LHFPL3: variants seen among roughly 807,000 people sequenced by gnomAD.
LHFPL3 encodes LHFPL tetraspan subfamily member 3 protein.
Under a neutral mutation model 19.3 loss-of-function variants are expected in LHFPL3, and 5 were observed. The observed-to-expected ratio is 0.26, with a 90% CI of 0.14 to 0.54. LHFPL3 has a LOEUF of 0.54. Ranked by LOEUF, LHFPL3 falls within the 20% of genes least tolerant of loss-of-function variation. LHFPL3 has a pLI of 0.94. For missense variants in LHFPL3, 249 were observed against 307.4 expected (o/e 0.81, Z 1.42); for synonymous variants, 133 against 126.2 (o/e 1.05, Z -0.36).
intron 1 of LHFPL3, among the ~76,000 whole-genome samples, chr7:104,562,312 A>G (rs1790022255): frequency 6.6e-6 from 1 of 152,076 alleles, no homozygotes; most frequent in Non-Finnish European, 1.5e-5. Flanking sequence ...CATCACTTTC[A>G]GGTACACCAA....
chr7:104,619,821 GA>G (rs993298596), intron 1 of LHFPL3, among the ~76,000 whole-genome samples: 1 of 152,078 alleles, frequency 6.6e-6, no homozygotes, highest in African/African-American at 2.4e-5. Flanking sequence ...TGGTTTCGTG[GA>G]AGACAATTTA....
intron 1 of LHFPL3, among the ~76,000 whole-genome samples, chr7:104,479,240 A>G (rs1400594667): frequency 1.3e-5 from 2 of 152,186 alleles, no homozygotes; most frequent in Non-Finnish European, 2.9e-5. Context: ...TACAAACACT[A>G]ACAACTTTCA....
intron 2 of LHFPL3, among the ~76,000 whole-genome samples, chr7:104,760,987 G>GGACA (rs983987665): frequency 6.7e-6 from 1 of 149,130 alleles, no homozygotes; most frequent in Admixed American, 6.7e-5. Context: ...ATTCACAAAA[G>GGACA]GACAGCAGAC....
At chr7:104,496,940 T>G (rs1249710212) in intron 1 of LHFPL3, among the ~76,000 whole-genome samples, 2 of 152,170 alleles carry the variant, frequency 1.3e-5, no homozygotes, top group Non-Finnish European at 2.9e-5. Context: ...TATTTTTAGA[T>G]GTCATTTCTG....
At chr7:104,813,790 G>A (rs1021503470) in intron 2 of LHFPL3, among the ~76,000 whole-genome samples, 4 of 152,234 alleles carry the variant, frequency 2.6e-5, no homozygotes, top group South Asian at 2.1e-4. Flanking sequence ...CAGAGAACAC[G>A]GTGGTGCCTG....
At chr7:104,744,137 C>A (rs955996795) in intron 2 of LHFPL3, 5 of 151,216 alleles carry the variant, frequency 3.3e-5, no homozygotes, top group Non-Finnish European at 5.9e-5. Context: ...ATAATCAATT[C>A]TTATAGATGC....
chr7:104,329,230 T>G lies in LHFPL3; in HGVS notation c.445+6T>G. ...CTGGATGCAGCTCACCTCCGGTGAG[T>G]GCGCGCTCACCTCCGCGGAGGCGGA... On this transcript the variant is annotated splice_donor_region_variant and intron_variant, in intron 1 of 2. Coordinates refer to ENST00000424859, the MANE Select transcript of LHFPL3 (RefSeq NM_199000.3). 2 of 1,590,098 alleles carry G rather than the reference T, an allele frequency of 1.3e-6. No homozygotes were observed. The highest frequency in any genetic ancestry group is 2.3e-5 in the East Asian group (1 of 44,330).
chr7:104,528,239 A>T (rs1402831695), intron 1 of LHFPL3, among the ~76,000 whole-genome samples: 2 of 152,224 alleles, frequency 1.3e-5, no homozygotes, highest in Non-Finnish European at 2.9e-5. Flanking sequence ...CTTTGTCAAC[A>T]TATTTCAAAG....
intron 1 of LHFPL3, among the ~76,000 whole-genome samples, chr7:104,383,567 G>A (rs534756741): frequency 1.8e-4 from 27 of 152,272 alleles, no homozygotes; most frequent in African/African-American, 6.5e-4. Flanking sequence ...CTTTCAAGGT[G>A]ATCCTATAAA....
chr7:104,811,719 G>A (rs1790474544), intron 2 of LHFPL3, among the ~76,000 whole-genome samples: 2 of 152,190 alleles, frequency 1.3e-5, no homozygotes, highest in Non-Finnish European at 2.9e-5. Context: ...CTGATGCTAA[G>A]CATCAGTCTT....
At chr7:104,797,353 G>A (rs1326714378) in intron 2 of LHFPL3, among the ~76,000 whole-genome samples, 2 of 152,170 alleles carry the variant, frequency 1.3e-5, no homozygotes, top group Non-Finnish European at 2.9e-5. Flanking sequence ...AATGAGTAGT[G>A]AGCAGAAGTG....
intron 1 of LHFPL3, among the ~76,000 whole-genome samples, chr7:104,558,690 C>T (rs1789917296): frequency 6.6e-6 from 1 of 150,866 alleles, no homozygotes; most frequent in African/African-American, 2.5e-5. Flanking sequence ...TTAATTAGAT[C>T]CCATTTGTTA....
At chr7:104,673,382 T>TATGATCG (rs1792524732) in intron 1 of LHFPL3, among the ~76,000 whole-genome samples, 2 of 152,192 alleles carry the variant, frequency 1.3e-5, no homozygotes, top group Admixed American at 1.3e-4. Flanking sequence ...GTCTAACACT[T>TATGATCG]TTTGGAAGAT....
chr7:104,335,771 C>T (rs1378228230), intron 1 of LHFPL3, among the ~76,000 whole-genome samples: 1 of 151,214 alleles, frequency 6.6e-6, no homozygotes, highest in African/African-American at 2.4e-5. Context: ...ATGTTGCTAC[C>T]ACTCAGGAAA....
chr7:104,490,878 C>T (rs754516791), intron 1 of LHFPL3, among the ~76,000 whole-genome samples: 29 of 151,974 alleles, frequency 1.9e-4, no homozygotes, highest in Non-Finnish European at 4.1e-4. Flanking sequence ...CTCTTTTTTT[C>T]GTAAAGCCTT....
At chr7:104,671,695 A>G (rs1246407137) in intron 1 of LHFPL3, among the ~76,000 whole-genome samples, 1 of 152,168 alleles carries the variant, frequency 6.6e-6, no homozygotes, top group Admixed American at 6.5e-5. Flanking sequence ...CAAATTATTT[A>G]ACCCCTTTCA....
At chr7:104,670,657 C>G (rs1301685956) in intron 1 of LHFPL3, among the ~76,000 whole-genome samples, 3 of 152,170 alleles carry the variant, frequency 2.0e-5, no homozygotes, top group Middle Eastern at 3.2e-3. Flanking sequence ...CTTGCCTGCT[C>G]CTGATGCTTT....
At chr7:104,888,000 A>G (rs1792179333) in intron 2 of LHFPL3, among the ~76,000 whole-genome samples, 2 of 152,198 alleles carry the variant, frequency 1.3e-5, no homozygotes, top group Admixed American at 1.3e-4. Flanking sequence ...GACTGGAGAA[A>G]GCAGCTCTGC....
intron 1 of LHFPL3, among the ~76,000 whole-genome samples, chr7:104,581,994 G>T (rs548055071): frequency 6.6e-6 from 1 of 151,806 alleles, no homozygotes; most frequent in Non-Finnish European, 1.5e-5. Context: ...AAATAAGTTT[G>T]TTCATTTTTA....
Sources: allele counts gnomAD v4.1 joint callset (sites outside exome capture counted in the v4.1 genomes callset), GRCh38; gene constraint gnomAD v4.1.1; transcripts MANE v1.5; gene names NCBI Gene and HGNC (gene_info 2026-07-23, HGNC 2026-07-21).